The following ZUP1 variants were observed in gnomAD, a reference collection of about 807,000 sequenced individuals.
ZUP1 encodes zinc finger containing ubiquitin peptidase 1.
Under a neutral mutation model 68.1 loss-of-function variants are expected in ZUP1, and 55 were observed. The observed-to-expected ratio is 0.81, with a 90% CI of 0.65 to 1.01. ZUP1 has a LOEUF of 1.01. ZUP1 is among the 50% of genes least tolerant of loss of function. The pLI is 0.00. For synonymous variants in ZUP1, 223 were observed against 221.5 expected (o/e 1.01, Z -0.06); for missense variants, 684 against 674.9 (o/e 1.01, Z -0.15).
intron 9 of ZUP1, among the ~76,000 whole-genome samples, chr6:116,638,556 A>G (rs1228335402): frequency 6.6e-6 from 1 of 152,246 alleles, no homozygotes; most frequent in Non-Finnish European, 1.5e-5. Flanking sequence ...CACAAGAATC[A>G]TATTTTAATA....
intron 9 of ZUP1, among the ~76,000 whole-genome samples, chr6:116,639,077 CCT>C (rs1776001959): frequency 6.6e-6 from 1 of 152,132 alleles, no homozygotes; most frequent in Non-Finnish European, 1.5e-5. Flanking sequence ...ACGGAGTCTC[CCT>C]GATTGCTAGC....
chr6:116,655,673 G>A (rs1776641182), intron 5 of ZUP1, among the ~76,000 whole-genome samples: 1 of 152,148 alleles, frequency 6.6e-6, no homozygotes, highest in Non-Finnish European at 1.5e-5. Flanking sequence ...ATATTATGGG[G>A]CAAGGAAGAT....
intron 9 of ZUP1, among the ~76,000 whole-genome samples, chr6:116,636,736 A>G (rs1290168207): frequency 6.6e-6 from 1 of 152,236 alleles, no homozygotes; most frequent in Non-Finnish European, 1.5e-5. Context: ...TATGAAGAAC[A>G]AAACATAAAA....
rs747214653 is a variant in ZUP1 at position 116,652,158 on chromosome 6, A to G, written c.996T>C (p.Asn332=). ...ACACCCGTCTCACATCTGTGGCAGC[A>G]TTCTGATAATACCTATGAAGTGCTT... is the stretch of plus-strand genomic sequence containing the variant. ...IIEALHRYYQ[N]AATDVRRVWL... Residue 332 remains asparagine (N), a synonymous_variant, in exon 6 of 10, where the codon AAT becomes AAC. Coordinates refer to ENST00000368576, the MANE Select transcript of ZUP1 (RefSeq NM_145062.3). 30 of 1,613,866 alleles carry G rather than the reference A, an allele frequency of 1.9e-5. No individual in the cohort carries two copies. In the Admixed American group the frequency reaches 4.7e-4, roughly 25 times the overall value.
intron 8 of ZUP1, among the ~76,000 whole-genome samples, chr6:116,646,546 T>A (rs1230689273): frequency 6.6e-6 from 1 of 152,174 alleles, no homozygotes; most frequent in East Asian, 1.9e-4. Context: ...GGTAAATAAG[T>A]GAAGAAAATG....
intron 7 of ZUP1, among the ~76,000 whole-genome samples, chr6:116,648,193 G>A (rs74970434): frequency 0.023 from 3,459 of 152,192 alleles, 45 homozygotes; most frequent in Non-Finnish European, 0.033. Flanking sequence ...CCGGACCACC[G>A]TGGTATTCTT....
intron 2 of ZUP1, among the ~76,000 whole-genome samples, chr6:116,666,341 C>T (rs1176786372): frequency 6.6e-6 from 1 of 152,120 alleles, no homozygotes; most frequent in Non-Finnish European, 1.5e-5. Context: ...GTCAGAGAGT[C>T]CAGGACAGTC....
At chr6:116,651,435 C>T (rs535800102) in intron 7 of ZUP1, 137 bp downstream of exon 7, 1 of 650,612 alleles carries the variant, frequency 1.5e-6, no homozygotes, top group African/African-American at 1.9e-5. Context: ...AGTGAATAGG[C>T]TGCTGATTTT....
chr6:116,660,946 C>A, intron 2 of ZUP1, 100 bp from the exon 3 acceptor site: 1 of 664,668 alleles, frequency 1.5e-6, no homozygotes, highest in East Asian at 3.1e-5. Flanking sequence ...GTTGCCCAGG[C>A]TGGCGTGCAG....
At chr6:116,667,299 G>A in intron 1 of ZUP1, 92 bp from the exon 2 acceptor site, 1 of 769,514 alleles carries the variant, frequency 1.3e-6, no homozygotes, top group Non-Finnish European at 1.9e-6. Context: ...CTTTAACGCT[G>A]GATTATTTTG....
chr6:116,667,641 T>TTAG, intron 1 of ZUP1, among the ~76,000 whole-genome samples: 2 of 152,118 alleles, frequency 1.3e-5, no homozygotes, highest in Non-Finnish European at 2.9e-5. Context: ...CACTGTAAAC[T>TTAG]TAGAGTCTTA....
chr6:116,665,756 T>TTC (rs1345712977), intron 2 of ZUP1, among the ~76,000 whole-genome samples: 1 of 145,526 alleles, frequency 6.9e-6, no homozygotes, highest in Non-Finnish European at 1.5e-5. Flanking sequence ...GTTTTTTGGT[T>TTC]TTTTTTTTTT....
intron 7 of ZUP1, among the ~76,000 whole-genome samples, chr6:116,650,879 AAAAT>A (rs1181035553): frequency 1.3e-5 from 2 of 152,238 alleles, no homozygotes; most frequent in Non-Finnish European, 2.9e-5. Flanking sequence ...ACTTCCACAG[AAAAT>A]AAATAGGTTA....
At chr6:116,637,197 T>G (rs2115373963) in intron 9 of ZUP1, among the ~76,000 whole-genome samples, 1 of 152,350 alleles carries the variant, frequency 6.6e-6, no homozygotes, top group South Asian at 2.1e-4. Context: ...GCAAACTGCC[T>G]AAATTGGAAT....
intron 9 of ZUP1, among the ~76,000 whole-genome samples, chr6:116,643,169 C>A (rs375083393): frequency 1.3e-5 from 2 of 152,108 alleles, no homozygotes; most frequent in East Asian, 3.9e-4. Flanking sequence ...TACAAACCAC[C>A]GCTCAATGAA....
intron 5 of ZUP1, among the ~76,000 whole-genome samples, chr6:116,654,017 T>C (rs1240784305): frequency 6.6e-6 from 1 of 152,014 alleles, no homozygotes; most frequent in African/African-American, 2.4e-5. Flanking sequence ...GTGAAGACTC[T>C]TTAAATGATA....
At chr6:116,643,710 T>G (rs1776195793) in intron 9 of ZUP1, among the ~76,000 whole-genome samples, 1 of 152,196 alleles carries the variant, frequency 6.6e-6, no homozygotes, top group Non-Finnish European at 1.5e-5. Context: ...AAGACTTACA[T>G]GTTAGACATA....
intron 2 of ZUP1, among the ~76,000 whole-genome samples, chr6:116,664,442 A>C (rs911570931): frequency 3.8e-4 from 56 of 147,958 alleles, no homozygotes; most frequent in African/African-American, 1.4e-3. Context: ...AAAAAAAAAA[A>C]CACACACACA....
intron 9 of ZUP1, 79 bp downstream of exon 9, chr6:116,645,635 A>T: frequency 1.8e-6 from 2 of 1,105,354 alleles, no homozygotes; most frequent in East Asian, 4.9e-5. Context: ...AAAAGTGATA[A>T]CACTGATTTT....
Sources: allele counts gnomAD v4.1 joint callset (sites outside exome capture counted in the v4.1 genomes callset), GRCh38; gene constraint gnomAD v4.1.1; transcripts MANE v1.5; gene names NCBI Gene and HGNC (gene_info 2026-07-23, HGNC 2026-07-21).